The following SLC39A11 variants were observed in gnomAD, a reference collection of about 807,000 sequenced individuals.
SLC39A11 encodes the protein zinc transporter ZIP11.
SLC39A11 carries 33 observed loss-of-function variants against 36.1 expected under a neutral mutation model. The ratio of observed to expected loss-of-function variants is 0.91; its 90% CI spans 0.69 to 1.22. The LOEUF is 1.22. Ranked by LOEUF, SLC39A11 falls within the 50% of genes most tolerant of loss-of-function variation. The pLI is 0.00. For missense variants in SLC39A11, 432 were observed against 430.3 expected, an observed-to-expected ratio of 1.00 and a Z score of -0.03; for synonymous variants, 166 against 170.3, an observed-to-expected ratio of 0.97 and a Z score of 0.20.
chr17:72,697,791 G>A (rs1278572069), intron 7 of SLC39A11, among the ~76,000 whole-genome samples: 1 of 147,922 alleles, frequency 6.8e-6, no homozygotes, highest in Admixed American at 6.9e-5. Flanking sequence ...ATGCTCCTAT[G>A]TCTGATTTGA....
intron 3 of SLC39A11, among the ~76,000 whole-genome samples, chr17:73,035,885 AAAGAAG>A (rs2058896502): frequency 6.6e-6 from 1 of 150,754 alleles, no homozygotes; most frequent in Non-Finnish European, 1.5e-5. Context: ...AAAAAAAAAA[AAAGAAG>A]GGTCAGAATC....
At chr17:73,091,246 G>A (rs999576353) in intron 1 of SLC39A11, among the ~76,000 whole-genome samples, 1 of 152,068 alleles carries the variant, frequency 6.6e-6, no homozygotes, top group Non-Finnish European at 1.5e-5. Flanking sequence ...TGGCCAACAC[G>A]GTGAAACCCC....
At chr17:72,726,953 G>C (rs1298990704) in intron 7 of SLC39A11, among the ~76,000 whole-genome samples, 2 of 152,156 alleles carry the variant, frequency 1.3e-5, no homozygotes, top group Non-Finnish European at 2.9e-5. Context: ...TCATATCTTG[G>C]GGATGTGTTT....
At chr17:72,957,238 G>A (rs2086295756) in intron 4 of SLC39A11, among the ~76,000 whole-genome samples, 1 of 152,192 alleles carries the variant, frequency 6.6e-6, no homozygotes, top group Non-Finnish European at 1.5e-5. Flanking sequence ...ATGAATCAAT[G>A]GTACTTTTTG....
Position 72,803,502 on chromosome 17 carries a change from G to C in SLC39A11, c.601+46132C>G, listed in dbSNP as rs913783966. ...ACTCTAGGGAAAGTGGGGGAAGGCT[G>C]TGTGGACCATTGAGCTCTATGTAGT... is the stretch of plus-strand genomic sequence containing the variant. On this transcript the variant is annotated intron_variant, in intron 6 of 9. Transcript: ENST00000255559. Among the ~76,000 whole-genome samples, 11 of 152,252 alleles carry C rather than the reference G, an allele frequency of 7.2e-5. No individual in the cohort carries two copies. The East Asian group carries it at 2.1e-3, about 29-fold the overall frequency.
intron 5 of SLC39A11, among the ~76,000 whole-genome samples, chr17:72,923,531 A>C (rs1011570969): frequency 7.2e-5 from 11 of 152,230 alleles, no homozygotes; most frequent in Admixed American, 1.3e-4. Context: ...AAGGTATGGA[A>C]ACTGTCACTA....
chr17:72,936,129 C>T (rs1383364071), intron 5 of SLC39A11, among the ~76,000 whole-genome samples: 2 of 152,044 alleles, frequency 1.3e-5, no homozygotes, highest in Non-Finnish European at 2.9e-5. Context: ...ACCCAGGAGG[C>T]AGACGTTGTG....
At chr17:72,968,179 A>G (rs1281237241) in intron 4 of SLC39A11, among the ~76,000 whole-genome samples, 1 of 152,098 alleles carries the variant, frequency 6.6e-6, no homozygotes, top group East Asian at 1.9e-4. Flanking sequence ...TGCCCCAGAA[A>G]CCCCATGAGC....
intron 6 of SLC39A11, among the ~76,000 whole-genome samples, chr17:72,834,299 G>A (rs2078419489): frequency 6.6e-6 from 1 of 152,164 alleles, no homozygotes; most frequent in Non-Finnish European, 1.5e-5. Context: ...GGTGGCCAGG[G>A]ACTATGGAAT....
In SLC39A11 at chr17:72,728,624, G is replaced by C. The variant is rs138975786; in HGVS notation, c.671+8026C>G. On this transcript the variant is annotated intron_variant, in intron 7 of 9. Transcript: ENST00000255559. ...ACAATATGTAAACAAATGGGTGCGCGTATGCTCCAATAAAGCCTCATTTCC... is the reference window on the plus strand; with the variant it reads ...ACAATATGTAAACAAATGGGTGCGCCTATGCTCCAATAAAGCCTCATTTCC... Among the ~76,000 whole-genome samples the C allele has an allele frequency of 2.0e-5, 3 of 152,264 alleles. No individual in the cohort carries two copies. The East Asian group carries it at 5.8e-4, about 29-fold the overall frequency.
chr17:73,044,808 T>C (rs904380485), intron 3 of SLC39A11, among the ~76,000 whole-genome samples: 1 of 140,870 alleles, frequency 7.1e-6, no homozygotes, highest in Admixed American at 7.7e-5. Context: ...ACCTGGGAGG[T>C]GGAGGTTGCA....
chr17:72,657,228 T>C (rs2143955983), intron 7 of SLC39A11, among the ~76,000 whole-genome samples: 1 of 152,114 alleles, frequency 6.6e-6, no homozygotes, highest in South Asian at 2.1e-4. Context: ...GGCATGGTGG[T>C]GGGTGCCCGT....
At chr17:73,085,775 T>G (rs1309694964) in intron 2 of SLC39A11, among the ~76,000 whole-genome samples, 3 of 151,756 alleles carry the variant, frequency 2.0e-5, no homozygotes, top group Non-Finnish European at 4.4e-5. Context: ...ATGACAGGAA[T>G]GCACTTGTAT....
At chr17:72,918,044 C>T (rs1011266517) in intron 5 of SLC39A11, among the ~76,000 whole-genome samples, 2 of 152,202 alleles carry the variant, frequency 1.3e-5, no homozygotes, top group Admixed American at 6.5e-5. Flanking sequence ...GCTGAACTTA[C>T]GAGATTCGTG....
At chr17:72,980,527 C>T (rs931303976) in intron 4 of SLC39A11, among the ~76,000 whole-genome samples, 5 of 152,100 alleles carry the variant, frequency 3.3e-5, no homozygotes, top group African/African-American at 7.2e-5. Context: ...AATACCTAGA[C>T]GATGTTCTTG....
chr17:72,971,861 GA>G (rs1419271097), intron 4 of SLC39A11, among the ~76,000 whole-genome samples: 1 of 152,164 alleles, frequency 6.6e-6, no homozygotes, highest in African/African-American at 2.4e-5. Context: ...GCCATCTGGG[GA>G]GACAGGTTTT....
intron 7 of SLC39A11, among the ~76,000 whole-genome samples, chr17:72,681,036 G>A (rs1246726643): frequency 9.9e-5 from 15 of 152,186 alleles, no homozygotes; most frequent in South Asian, 4.1e-4. Flanking sequence ...TTCATCTCCC[G>A]GGTTCAAGTG....
At chr17:73,029,944 C>T (rs1462404333) in intron 4 of SLC39A11, among the ~76,000 whole-genome samples, 3 of 151,974 alleles carry the variant, frequency 2.0e-5, no homozygotes, top group Non-Finnish European at 4.4e-5. Context: ...GGTCCCCAAC[C>T]TTTTTGGCAC....
intron 7 of SLC39A11, among the ~76,000 whole-genome samples, chr17:72,703,411 T>C (rs1382232619): frequency 6.6e-6 from 1 of 152,074 alleles, no homozygotes. Flanking sequence ...GGAGAACTAT[T>C]ATAATAAGGA....
Sources: allele counts gnomAD v4.1 joint callset (sites outside exome capture counted in the v4.1 genomes callset), GRCh38; gene constraint gnomAD v4.1.1; transcripts MANE v1.5; gene names NCBI Gene and HGNC (gene_info 2026-07-23, HGNC 2026-07-21).